Variants in ABCC4 observed in about 807,000 individuals in gnomAD.
The protein encoded by ABCC4 is ATP-binding cassette sub-family C member 4.
A neutral mutation model predicts 168.5 loss-of-function variants in ABCC4; 102 were observed. That is an observed-to-expected ratio of 0.61 (90% CI 0.52 to 0.71). The LOEUF is 0.71. Among genes scored for constraint, ABCC4 ranks in the 30% least tolerant of loss-of-function variants. The pLI, the probability that ABCC4 is intolerant of heterozygous loss-of-function variation, is 0.00. For synonymous variants in ABCC4, 617 were observed against 590.7 expected (o/e 1.04, Z -0.65); for missense variants, 1,402 against 1,605.8 (o/e 0.87, Z 2.17).
chr13:95,239,348 C>T (rs138919430), intron 3 of ABCC4, among the ~76,000 whole-genome samples: 1,625 of 152,220 alleles, frequency 0.011, 11 homozygotes, highest in Middle Eastern at 0.024. Flanking sequence ...TAAGTCAAAA[C>T]ACTGGTGTCC....
intron 1 of ABCC4, among the ~76,000 whole-genome samples, chr13:95,281,031 T>C (rs1236302086): frequency 3.9e-5 from 6 of 152,010 alleles, no homozygotes; most frequent in African/African-American, 1.4e-4. Context: ...TACTGGATGC[T>C]AAGAACTTGC....
chr13:95,049,859 A>G (rs1163498149), intron 27 of ABCC4, among the ~76,000 whole-genome samples: 1 of 152,186 alleles, frequency 6.6e-6, no homozygotes, highest in Non-Finnish European at 1.5e-5. Context: ...TTAAGTGGTT[A>G]AAGAGGAAAA....
chr13:95,230,040 C>G (rs1017866925), intron 4 of ABCC4, among the ~76,000 whole-genome samples: 11 of 152,148 alleles, frequency 7.2e-5, no homozygotes, highest in Non-Finnish European at 1.3e-4. Context: ...TTATACGAAC[C>G]CATGCTGGGA....
rs568585773 is a variant in ABCC4 at position 95,224,798 on chromosome 13, T to G, written c.531+9812A>C. Among the ~76,000 whole-genome samples, 4 of 151,454 alleles carry G rather than the reference T, an allele frequency of 2.6e-5. No homozygotes were observed. The East Asian group carries it at 7.8e-4, about 29-fold the overall frequency. ...TTTTACATGCTGAAAAAAAATTATA[T>G]CAAATGGAAACCTGGAGCTAAAGGG... is the stretch of plus-strand genomic sequence containing the variant. On this transcript the variant is annotated intron_variant, in intron 4 of 30. Transcript: ENST00000645237.
intron 4 of ABCC4, among the ~76,000 whole-genome samples, chr13:95,212,172 C>CA (rs61656577): frequency 1.5e-4 from 18 of 123,190 alleles, no homozygotes; most frequent in East Asian, 1.2e-3. Flanking sequence ...GAGACTGTCT[C>CA]AAAAAAAAAA....
chr13:95,029,145 T>G (rs2031684979), intron 30 of ABCC4, among the ~76,000 whole-genome samples: 1 of 131,090 alleles, frequency 7.6e-6, no homozygotes. Flanking sequence ...GCAACAGGAG[T>G]GAAACTGCTT....
At chr13:95,059,373 G>A (rs939567026) in intron 26 of ABCC4, among the ~76,000 whole-genome samples, 1 of 152,220 alleles carries the variant, frequency 6.6e-6, no homozygotes, top group Non-Finnish European at 1.5e-5. Flanking sequence ...CAAATGTTAG[G>A]AATTCTCACT....
intron 20 of ABCC4, among the ~76,000 whole-genome samples, chr13:95,090,339 A>C (rs372089550): frequency 6.6e-6 from 1 of 152,144 alleles, no homozygotes; most frequent in South Asian, 2.1e-4. Flanking sequence ...ATTAAACCAA[A>C]GCTAAGAACC....
At chr13:95,206,991 A>C (rs1389796544) in intron 7 of ABCC4, among the ~76,000 whole-genome samples, 2 of 152,040 alleles carry the variant, frequency 1.3e-5, no homozygotes, top group African/African-American at 4.8e-5. Context: ...CATGTGCTGG[A>C]ATGCAACAAC....
chr13:95,215,301 T>C (rs563251408), intron 4 of ABCC4, among the ~76,000 whole-genome samples: 2 of 152,050 alleles, frequency 1.3e-5, no homozygotes, highest in East Asian at 1.9e-4. Context: ...ACTCGGGGGC[T>C]GACGTGGGAG....
chr13:95,139,822 A>G (rs1268779389), intron 19 of ABCC4, among the ~76,000 whole-genome samples: 1 of 152,164 alleles, frequency 6.6e-6, no homozygotes, highest in Non-Finnish European at 1.5e-5. Context: ...AAAAGCAACA[A>G]CAAACTCCAG....
chr13:95,038,052 G>C (rs768673583), intron 29 of ABCC4, among the ~76,000 whole-genome samples: 5 of 152,000 alleles, frequency 3.3e-5, no homozygotes, highest in African/African-American at 9.7e-5. Context: ...ATGGGGTTTC[G>C]CTATGTTGCC....
intron 26 of ABCC4, chr13:95,054,005 G>A (rs1184106952): frequency 4.5e-5 from 3 of 66,962 alleles, no homozygotes; most frequent in African/African-American, 5.9e-5. Flanking sequence ...TCTCTCCAAT[G>A]TCAGAATGGG....
chr13:95,146,293 C>A (rs762180241), intron 19 of ABCC4, among the ~76,000 whole-genome samples: 4 of 152,032 alleles, frequency 2.6e-5, no homozygotes, highest in Non-Finnish European at 4.4e-5. Flanking sequence ...AAAAAATTAC[C>A]TATCAGGTAC....
intron 19 of ABCC4, among the ~76,000 whole-genome samples, chr13:95,122,605 T>A (rs1041293380): frequency 6.6e-6 from 1 of 152,196 alleles, no homozygotes; most frequent in Non-Finnish European, 1.5e-5. Flanking sequence ...CCTGGCCGTG[T>A]GTCCCTGTTC....
At chr13:95,115,887 T>G (rs778773860) in intron 20 of ABCC4, 35 bp downstream of exon 20, 1 of 1,576,180 alleles carries the variant, frequency 6.3e-7, no homozygotes, top group Non-Finnish European at 8.7e-7. Context: ...ACTTCCGTTT[T>G]CCATTTGAGA....
At chr13:95,132,252 G>C (rs886611783) in intron 19 of ABCC4, among the ~76,000 whole-genome samples, 6 of 152,124 alleles carry the variant, frequency 3.9e-5, no homozygotes. Flanking sequence ...GTCTCACTGT[G>C]TCGCCAAGAC....
chr13:95,263,906 T>C (rs1188235589), intron 1 of ABCC4, among the ~76,000 whole-genome samples: 1 of 152,222 alleles, frequency 6.6e-6, no homozygotes, highest in African/African-American at 2.4e-5. Flanking sequence ...ACTTTTCTTT[T>C]TAATGCAGAG....
At chr13:95,175,511 C>T (rs2037646170) in intron 13 of ABCC4, among the ~76,000 whole-genome samples, 1 of 152,144 alleles carries the variant, frequency 6.6e-6, no homozygotes, top group Non-Finnish European at 1.5e-5. Flanking sequence ...TGGGGTTTCA[C>T]AACGTTGGCC....
Sources: gnomAD v4.1 joint callset for allele counts (sites outside exome capture counted in the v4.1 genomes callset) on GRCh38, gnomAD v4.1.1 for gene constraint, MANE v1.5 for transcripts, NCBI Gene and HGNC (gene_info 2026-07-23, HGNC 2026-07-21) for gene names.